Variants in HIBCH observed in about 807,000 individuals in gnomAD.
HIBCH encodes 3-hydroxyisobutyryl-CoA hydrolase, mitochondrial.
HIBCH carries 50 observed loss-of-function variants against 58.2 expected under a neutral mutation model. The observed-to-expected ratio is 0.86, with a 90% CI of 0.68 to 1.09. The LOEUF is 1.09. Among genes scored for constraint, HIBCH ranks in the 50% least tolerant of loss-of-function variants. The pLI is 0.00. For synonymous variants in HIBCH, 151 were observed against 146.9 expected (o/e 1.03, Z -0.20); for missense variants, 450 against 449.7 (o/e 1.00, Z -0.01).
At chr2:190,280,634 AG>A (rs1687680797) in intron 6 of HIBCH, among the ~76,000 whole-genome samples, 1 of 70,016 alleles carries the variant, frequency 1.4e-5, no homozygotes, top group South Asian at 5.1e-4. Context: ...CAACTTAGCA[AG>A]GGGGAAAATG....
chr2:190,216,453 T>TA lies in HIBCH; in HGVS notation c.892-3379_892-3378insT, dbSNP rs1471731095. On this transcript the variant is annotated intron_variant, in intron 11 of 13. Transcript: ENST00000359678. The surrounding 1 kb of genome is among the most constrained non-coding windows in gnomAD (Gnocchi z 4.2). Reference sequence around the variant, plus strand: ...GCTGTCAGTAAGGCTGCAGAAGGTCTGGGGGGCTATATAAGTTAGATCAGA... The same window carrying TA: ...GCTGTCAGTAAGGCTGCAGAAGGTCTAGGGGGGCTATATAAGTTAGATCAGA... 6.6e-6 allele frequency among the ~76,000 whole-genome samples: 1 copy of TA among 152,122 alleles called. No individual in the cohort carries two copies. The highest frequency in any genetic ancestry group is 1.5e-5 in the Non-Finnish European group (1 of 68,004).
At chr2:190,302,974 A>C (rs1227651582) in intron 2 of HIBCH, among the ~76,000 whole-genome samples, 1 of 152,206 alleles carries the variant, frequency 6.6e-6, no homozygotes, top group African/African-American at 2.4e-5. Flanking sequence ...ACAATTCTGC[A>C]ACTGCTTTGC....
chr2:190,294,626 C>T lies in HIBCH; in HGVS notation c.224G>A (p.Trp75Ter), dbSNP rs370726695. The T allele has an allele frequency of 1.2e-6, 2 of 1,606,212 alleles. No individual in the cohort carries two copies. Among genetic ancestry groups the T allele is most frequent in the Non-Finnish European group, 1.7e-6 (2 of 1,173,870 alleles). Residue 75 changes from tryptophan to a stop codon, truncating the protein, a stop_gained, in exon 4 of 14, where the codon TGG becomes TAG. Coordinates refer to ENST00000359678, the MANE Select transcript of HIBCH (RefSeq NM_014362.4). LOFTEE classifies it high-confidence loss of function. ...IRQIYPQLKK[W>*]EQDPETFLII... ...CAGGAAAGTTTCAGGATCTTGTTCC[C>T]ACTTCTATTCAAATGTAACAGAAGA...
In HIBCH at chr2:190,244,146, T is replaced by TAC. The variant is rs3838545; in HGVS notation, c.891+739_891+740dup. Among the ~76,000 whole-genome samples, 388 of 150,854 alleles carry TAC rather than the reference T, an allele frequency of 2.6e-3. 2 individuals carry two copies. The highest frequency in any genetic ancestry group is 5.1e-3 in the Admixed American group (78 of 15,170). ...GTGGAGCCTAATATATATATATATA[T>TAC]ACACACACACACACATATATATACG... On this transcript the variant is annotated intron_variant, in intron 11 of 13. Transcript: ENST00000359678.
chr2:190,302,694 C>T (rs1464640585), intron 2 of HIBCH, among the ~76,000 whole-genome samples: 1 of 152,154 alleles, frequency 6.6e-6, no homozygotes, highest in Non-Finnish European at 1.5e-5. Flanking sequence ...CTCATTCCAT[C>T]TTGGCCAGGA....
At chr2:190,296,407 G>A (rs1688104861) in intron 3 of HIBCH, among the ~76,000 whole-genome samples, 3 of 134,350 alleles carry the variant, frequency 2.2e-5, no homozygotes, top group East Asian at 4.2e-4. Flanking sequence ...GCGACAGAGT[G>A]AGACTCCTCC....
intron 11 of HIBCH, among the ~76,000 whole-genome samples, chr2:190,224,991 G>C (rs1453767721): frequency 6.6e-6 from 1 of 152,182 alleles, no homozygotes; most frequent in African/African-American, 2.4e-5. Flanking sequence ...CAACTACTTG[G>C]AAACAGAACA....
At chr2:190,199,710 G>A (rs909660599), downstream of HIBCH, 141 of 1,463,236 alleles carry the variant, frequency 9.6e-5, no homozygotes, top group Middle Eastern at 2.5e-4. Flanking sequence ...AACACTACAC[G>A]TGAAGAGTGG....
At chr2:190,244,830 T>C (rs904607970) in intron 11 of HIBCH, 57 bp downstream of exon 11, 28 of 1,100,174 alleles carry the variant, frequency 2.5e-5, no homozygotes, top group Non-Finnish European at 3.8e-5. Flanking sequence ...TTAGAGAGGC[T>C]TCCCTGTCAC....
chr2:190,313,398 T>G (rs1688610222), intron 1 of HIBCH, among the ~76,000 whole-genome samples: 1 of 152,106 alleles, frequency 6.6e-6, no homozygotes, highest in Non-Finnish European at 1.5e-5. Context: ...ACAACCCAAA[T>G]GCGTAAGGGA....
At position 190,243,088 on chromosome 2, in the gene HIBCH, C is replaced by T. The variant is rs996093651; in HGVS notation, c.891+1799G>A. Among the ~76,000 whole-genome samples, 1 of 152,036 alleles carries T rather than the reference C, an allele frequency of 6.6e-6. No individual in the cohort carries two copies. Among genetic ancestry groups the T allele is most frequent in the Admixed American group, 6.6e-5 (1 of 15,252 alleles). On this transcript the variant is annotated intron_variant, in intron 11 of 13. Coordinates refer to ENST00000359678, the MANE Select transcript of HIBCH (RefSeq NM_014362.4). The surrounding 1 kb of genome is among the most constrained non-coding windows in gnomAD (Gnocchi z 4.1). ...GGACTGAAGGATACAAAGTATTGAT[C>T]CTGGATGTGTCTGTGAGGGTGTTGC...
At chr2:190,261,031 T>C (rs1213923221) in intron 7 of HIBCH, 125 bp downstream of exon 7, 2 of 737,850 alleles carry the variant, frequency 2.7e-6, no homozygotes, top group Non-Finnish European at 4.7e-6. Flanking sequence ...ATTTCTTTTT[T>C]AAAATCCTTT....
chr2:190,284,923 GT>G (rs1405018620), intron 6 of HIBCH, among the ~76,000 whole-genome samples: 4 of 151,996 alleles, frequency 2.6e-5, no homozygotes, highest in Non-Finnish European at 5.9e-5. Context: ...CATCATTTCT[GT>G]TCCAAGTATC....
At chr2:190,275,596 T>A (rs957448153) in intron 6 of HIBCH, among the ~76,000 whole-genome samples, 3 of 152,210 alleles carry the variant, frequency 2.0e-5, no homozygotes, top group African/African-American at 7.2e-5. Context: ...ATCAAATTTA[T>A]GGTAAAGCTT....
Position 190,206,829 on chromosome 2 carries a change from TTA to T in HIBCH, c.1046-1599_1046-1598del, listed in dbSNP as rs1295602238. Among the ~76,000 whole-genome samples the T allele has an allele frequency of 1.4e-4, 22 of 152,266 alleles. No individual in the cohort carries two copies. Among genetic ancestry groups the T allele is most frequent in the African/African-American group, 5.3e-4 (22 of 41,568 alleles). ...GAGGCGGCAATATACTTTCTCTTCA[TTA>T]AAAAGTAGCATAGGCCAGGCGCGGT... On this transcript the variant is annotated intron_variant, in intron 13 of 13. Transcript: ENST00000359678. This position sits in a 1 kb window ranked among gnomAD's most constrained non-coding sequence, Gnocchi z 5.1.
chr2:190,245,640 T>C (rs777384349), intron 10 of HIBCH, among the ~76,000 whole-genome samples: 16 of 151,982 alleles, frequency 1.1e-4, no homozygotes, highest in Non-Finnish European at 2.2e-4. Context: ...TACTTAAATA[T>C]AATGAATTTA....
At chr2:190,289,258 C>T (rs557850236) in intron 5 of HIBCH, among the ~76,000 whole-genome samples, 5 of 150,826 alleles carry the variant, frequency 3.3e-5, no homozygotes, top group African/African-American at 4.9e-5. Context: ...CATATATATC[C>T]CCATGTGTTT....
At chr2:190,250,314 A>C in intron 8 of HIBCH, 2 of 450,336 alleles carry the variant, frequency 4.4e-6, no homozygotes, top group Non-Finnish European at 9.2e-6. Context: ...CCTTTCTTAC[A>C]GGTAAGCTCT....
chr2:190,266,357 T>C (rs1005050109), intron 6 of HIBCH, among the ~76,000 whole-genome samples: 3 of 152,196 alleles, frequency 2.0e-5, no homozygotes, highest in African/African-American at 4.8e-5. Context: ...GAAAGAAATA[T>C]GTTCGAATAT....
Sources: gnomAD v4.1 joint callset for allele counts (sites outside exome capture counted in the v4.1 genomes callset) on GRCh38, gnomAD v4.1.1 for gene constraint, Gnocchi (gnomAD v3.1) non-coding constraint, MANE v1.5 for transcripts, NCBI Gene and HGNC (gene_info 2026-07-23, HGNC 2026-07-21) for gene names.